ROBO2: variants seen among roughly 807,000 people sequenced by gnomAD.
ROBO2 encodes roundabout guidance receptor 2.
ROBO2 carries 53 observed loss-of-function variants against 160.8 expected under a neutral mutation model. The ratio of observed to expected loss-of-function variants is 0.33; its 90% CI spans 0.26 to 0.41. ROBO2 has a LOEUF of 0.41. Ranked by LOEUF, ROBO2 falls within the 10% of genes least tolerant of loss-of-function variation. The probability of loss-of-function intolerance (pLI) is 1.00; values close to 1 mark genes in which losing one functional copy is unlikely to be tolerated. For synonymous variants in ROBO2, 664 were observed against 611.7 expected (o/e 1.09, Z -1.26); for missense variants, 1,577 against 1,722.4 (o/e 0.92, Z 1.49).
At chr3:77,195,544 T>A (rs2082234713) in intron 2 of ROBO2, among the ~76,000 whole-genome samples, 1 of 152,240 alleles carries the variant, frequency 6.6e-6, no homozygotes, top group South Asian at 2.1e-4. Context: ...TCTCTTCTTT[T>A]TAACAATTGG....
chr3:76,399,473 A>G (rs1223590976), intron 2 of ROBO2, among the ~76,000 whole-genome samples: 1 of 151,796 alleles, frequency 6.6e-6, no homozygotes, highest in Admixed American at 6.6e-5. Context: ...CTATGATGTG[A>G]GAATACATGC....
chr3:76,854,392 G>T (rs1577058428), intron 2 of ROBO2, among the ~76,000 whole-genome samples: 1 of 152,146 alleles, frequency 6.6e-6, no homozygotes, highest in East Asian at 1.9e-4. Context: ...TGGTTTAAAT[G>T]GTATCTGCAT....
At chr3:76,593,499 G>A (rs1247647762) in intron 2 of ROBO2, among the ~76,000 whole-genome samples, 1 of 152,050 alleles carries the variant, frequency 6.6e-6, no homozygotes, top group East Asian at 1.9e-4. Flanking sequence ...TGAATGTACT[G>A]TTAATCACCT....
intron 2 of ROBO2, among the ~76,000 whole-genome samples, chr3:77,419,256 G>C (rs901825507): frequency 8.6e-5 from 13 of 151,910 alleles, no homozygotes; most frequent in Admixed American, 8.6e-4. Flanking sequence ...CTATCTAATA[G>C]AATAATAATA....
At chr3:76,272,937 A>AATATATAAAATATATAATATATATTT (rs1707631310) in intron 2 of ROBO2, among the ~76,000 whole-genome samples, 1 of 23,326 alleles carries the variant, frequency 4.3e-5, no homozygotes, top group South Asian at 1.5e-3. Context: ...TTTATATATA[A>AATATATAAAATATATAATATATATTT]ATATATAAAA....
intron 2 of ROBO2, among the ~76,000 whole-genome samples, chr3:76,387,016 C>T (rs138265165): frequency 2.0e-5 from 3 of 152,294 alleles, no homozygotes; most frequent in African/African-American, 4.8e-5. Flanking sequence ...TGATAGAGAT[C>T]TGTTTCTCAC....
intron 2 of ROBO2, among the ~76,000 whole-genome samples, chr3:76,885,752 T>G (rs916457955): frequency 2.6e-5 from 4 of 152,186 alleles, no homozygotes; most frequent in Non-Finnish European, 4.4e-5. Context: ...TCTGGGGCCC[T>G]TGAACACTTA....
chr3:77,077,453 T>A (rs891977051), intron 1 of ROBO2, among the ~76,000 whole-genome samples: 1 of 151,894 alleles, frequency 6.6e-6, no homozygotes, highest in African/African-American at 2.4e-5. Context: ...TCTAGGACAA[T>A]AATGGATAAA....
intron 2 of ROBO2, among the ~76,000 whole-genome samples, chr3:75,981,287 A>G (rs1224196037): frequency 6.6e-6 from 1 of 151,500 alleles, no homozygotes; most frequent in African/African-American, 2.4e-5. Context: ...TTATTTAACT[A>G]TTCAGTTTCC....
intron 2 of ROBO2, among the ~76,000 whole-genome samples, chr3:76,084,751 G>A (rs1161997887): frequency 6.6e-6 from 1 of 152,004 alleles, no homozygotes; most frequent in African/African-American, 2.4e-5. Context: ...TACACTGACA[G>A]AAGAATTACC....
intron 2 of ROBO2, among the ~76,000 whole-genome samples, chr3:76,091,719 T>C (rs1477956583): frequency 6.6e-6 from 1 of 152,150 alleles, no homozygotes; most frequent in Admixed American, 6.5e-5. Flanking sequence ...CTGTGGTACT[T>C]CCAGGCAATG....
intron 2 of ROBO2, among the ~76,000 whole-genome samples, chr3:76,271,892 C>T (rs1707453945): frequency 6.6e-6 from 1 of 152,038 alleles, no homozygotes. Flanking sequence ...ACTTGCTTGT[C>T]TCCAGAGACA....
intron 2 of ROBO2, among the ~76,000 whole-genome samples, chr3:77,299,982 A>G (rs1474516660): frequency 6.6e-6 from 1 of 152,026 alleles, no homozygotes; most frequent in African/African-American, 2.4e-5. Context: ...GTCACTCATC[A>G]TATTCTCATA....
chr3:76,395,165 A>C (rs1576909319), intron 2 of ROBO2, among the ~76,000 whole-genome samples: 1 of 151,804 alleles, frequency 6.6e-6, no homozygotes, highest in East Asian at 1.9e-4. Context: ...ACTCAGGATT[A>C]AGAAACTCAC....
At chr3:76,487,480 A>C (rs910655658) in intron 2 of ROBO2, among the ~76,000 whole-genome samples, 2 of 152,212 alleles carry the variant, frequency 1.3e-5, no homozygotes, top group Non-Finnish European at 2.9e-5. Context: ...CAATAAATGA[A>C]TCTTCTAATA....
chr3:77,500,116 TTTTG>T (rs879423254), intron 5 of ROBO2, among the ~76,000 whole-genome samples: 11 of 152,302 alleles, frequency 7.2e-5, no homozygotes, highest in Admixed American at 7.2e-4. Context: ...ACACATACTG[TTTTG>T]TTTGTCTGTG....
Position 76,132,730 on chromosome 3 carries a change from T to A in ROBO2, c.109+195128T>A, listed in dbSNP as rs147259932. ...TATTTAGTGAGATTAATGTCAGTTCTCTTATGTGAAATGAGAAGCCACAAA... is the reference window on the plus strand; with the variant it reads ...TATTTAGTGAGATTAATGTCAGTTCACTTATGTGAAATGAGAAGCCACAAA... On this transcript the variant is annotated intron_variant, in intron 2 of 26. Transcript: ENST00000487694. Among the ~76,000 whole-genome samples, 139 of 152,318 alleles carry A rather than the reference T, an allele frequency of 9.1e-4. 1 individual carries two copies. The highest frequency in any genetic ancestry group is 3.2e-3 in the African/African-American group (133 of 41,590).
At chr3:76,703,830 G>T (rs1169766892) in intron 2 of ROBO2, among the ~76,000 whole-genome samples, 1 of 152,094 alleles carries the variant, frequency 6.6e-6, no homozygotes, top group Non-Finnish European at 1.5e-5. Context: ...ACATATGTGT[G>T]CATGTGTCTT....
At chr3:77,050,093 G>C (rs189083729) in intron 1 of ROBO2, among the ~76,000 whole-genome samples, 1 of 152,082 alleles carries the variant, frequency 6.6e-6, no homozygotes, top group Non-Finnish European at 1.5e-5. Context: ...AGATATATCC[G>C]ATTATTATAA....
Sources: gnomAD v4.1 joint callset for allele counts (sites outside exome capture counted in the v4.1 genomes callset) on GRCh38, gnomAD v4.1.1 for gene constraint, MANE v1.5 for transcripts, NCBI Gene and HGNC (gene_info 2026-07-23, HGNC 2026-07-21) for gene names.